NLN: variants seen among roughly 807,000 people sequenced by gnomAD.
The protein encoded by NLN is neurolysin, mitochondrial.
A neutral mutation model predicts 79.9 loss-of-function variants in NLN; 64 were observed. That is an observed-to-expected ratio of 0.80 (90% CI 0.65 to 0.99). NLN has a LOEUF of 0.99. Among genes scored for constraint, NLN ranks in the 50% least tolerant of loss-of-function variants. The pLI, the probability that NLN is intolerant of heterozygous loss-of-function variation, is 0.00. For missense variants in NLN, 835 were observed against 858.7 expected (o/e 0.97, Z 0.34); for synonymous variants, 267 against 296.6 (o/e 0.90, Z 1.02).
intron 1 of NLN, among the ~76,000 whole-genome samples, chr5:65,735,657 C>A (rs1758712883): frequency 6.6e-6 from 1 of 152,136 alleles, no homozygotes; most frequent in Admixed American, 6.6e-5. Context: ...AAATAGAGAT[C>A]TTTAGGAACT....
In NLN at chr5:65,822,997, T is replaced by C; in HGVS notation, c.*82T>C. 1 of 1,116,580 alleles carries C rather than the reference T, an allele frequency of 9.0e-7. No individual in the cohort carries two copies. The highest frequency in any genetic ancestry group is 2.4e-5 in the East Asian group (1 of 41,488). The allele number at this position is 1,116,580 out of a possible 1,614,324, so 69.2% of individuals were successfully genotyped here. On this transcript the variant is annotated 3_prime_UTR_variant, in exon 13 of 13. Transcript: ENST00000380985. ...TTACTGGCCTGGAAACTGAAGGGAG[T>C]TTTGCAAGTGAAAATTTAGATTTCT...
At chr5:65,735,609 A>G (rs1758712339) in intron 1 of NLN, among the ~76,000 whole-genome samples, 1 of 152,198 alleles carries the variant, frequency 6.6e-6, no homozygotes. Context: ...GAGTCCCAGC[A>G]TCAATTTTTG....
chr5:65,792,972 C>A, intron 9 of NLN: 1 of 397,260 alleles, frequency 2.5e-6, no homozygotes, highest in South Asian at 1.9e-5. Context: ...ATAAATTTCT[C>A]AGAAAAACTG....
intron 2 of NLN, among the ~76,000 whole-genome samples, chr5:65,759,722 C>A (rs1340868852): frequency 1.3e-5 from 2 of 152,108 alleles, no homozygotes; most frequent in African/African-American, 4.8e-5. Flanking sequence ...AGAGGGCAGT[C>A]TGCTTTACTT....
chr5:65,800,899 C>T (rs1760272444), intron 9 of NLN, among the ~76,000 whole-genome samples: 1 of 151,802 alleles, frequency 6.6e-6, no homozygotes, highest in Admixed American at 6.6e-5. Context: ...CACAATGTTG[C>T]CCAGGCTGAT....
At chr5:65,774,736 T>A (rs1208485030) in intron 3 of NLN, among the ~76,000 whole-genome samples, 6,586 of 147,800 alleles carry the variant, frequency 0.045, 211 homozygotes, top group Non-Finnish European at 0.07. Flanking sequence ...TATATTTTTT[T>A]TTTTTTTTGA....
At position 65,762,989 on chromosome 5, in the gene NLN, C is replaced by G. The variant is rs149080141; in HGVS notation, c.331C>G (p.His111Asp). 2.5e-6 allele frequency: 4 copies of G among 1,613,814 alleles called. No homozygotes were observed. Among genetic ancestry groups the G allele is most frequent in the Non-Finnish European group, 3.4e-6 (4 of 1,179,904 alleles). Residue 111 changes from histidine to aspartate, a missense_variant, in exon 3 of 13, where the codon CAT (histidine) becomes GAT (aspartate). Transcript: ENST00000380985. ...AAGGACCATGCTAGACTTTCCCCAG[C>G]ATGTATCCTCTGACAAAGAAGTACG... ...VERTMLDFPQ[H>D]VSSDKEVRAA...
At chr5:65,804,649 C>T (rs1003663430) in intron 9 of NLN, among the ~76,000 whole-genome samples, 1 of 152,162 alleles carries the variant, frequency 6.6e-6, no homozygotes, top group Non-Finnish European at 1.5e-5. Flanking sequence ...CTGTCTCAGC[C>T]TCCTAAGTAG....
chr5:65,731,339 T>C (rs1758602309), intron 1 of NLN, among the ~76,000 whole-genome samples: 1 of 152,196 alleles, frequency 6.6e-6, no homozygotes, highest in African/African-American at 2.4e-5. Context: ...TCTTGATGGG[T>C]AGAACAGCAA....
intron 11 of NLN, among the ~76,000 whole-genome samples, chr5:65,811,147 C>G (rs1760536544): frequency 6.6e-6 from 1 of 151,986 alleles, no homozygotes; most frequent in African/African-American, 2.4e-5. Flanking sequence ...TATAGTTGTG[C>G]TTTTATATGT....
intron 1 of NLN, among the ~76,000 whole-genome samples, chr5:65,724,267 T>TC (rs1392976834): frequency 2.0e-5 from 3 of 152,142 alleles, no homozygotes; most frequent in African/African-American, 7.2e-5. Flanking sequence ...CATTACTTCC[T>TC]CCCCCAATCC....
At chr5:65,749,220 G>A (rs1387060775) in intron 1 of NLN, among the ~76,000 whole-genome samples, 1 of 152,090 alleles carries the variant, frequency 6.6e-6, no homozygotes, top group Non-Finnish European at 1.5e-5. Flanking sequence ...ACTAATACAG[G>A]GACTGTAGAG....
At position 65,788,486 on chromosome 5, in the gene NLN, T is replaced by C; in HGVS notation, c.1325+2T>C. On this transcript the variant is annotated splice_donor_variant, in intron 8 of 12. Transcript: ENST00000380985. LOFTEE classifies it high-confidence loss of function. The stretch of plus-strand genomic sequence containing the variant: ...GTTCTATTTGGACCTCTATCCAAGG[T>C]ACTGAGGATCACGTTGTTGGAAGGG... 6.2e-7 allele frequency: 1 copy of C among 1,609,684 alleles called. No individual in the cohort carries two copies. The highest frequency in any genetic ancestry group is 8.5e-7 in the Non-Finnish European group (1 of 1,176,656).
At chr5:65,750,650 A>G (rs1331855477) in intron 1 of NLN, among the ~76,000 whole-genome samples, 8 of 152,220 alleles carry the variant, frequency 5.3e-5, no homozygotes, top group South Asian at 2.1e-4. Flanking sequence ...CAGGAGGTCT[A>G]GTTTACAGTG....
intron 2 of NLN, among the ~76,000 whole-genome samples, chr5:65,761,735 T>G (rs1280190998): frequency 6.6e-6 from 1 of 152,226 alleles, no homozygotes; most frequent in Non-Finnish European, 1.5e-5. Context: ...AAAGCATAAT[T>G]TCATAATTTG....
At chr5:65,808,658 T>C (rs1275318005) in intron 9 of NLN, among the ~76,000 whole-genome samples, 1 of 152,246 alleles carries the variant, frequency 6.6e-6, no homozygotes, top group East Asian at 1.9e-4. Flanking sequence ...TTAAACTCTT[T>C]TTAAACCTCT....
intron 12 of NLN, among the ~76,000 whole-genome samples, chr5:65,816,899 T>G (rs1397015284): frequency 6.6e-6 from 1 of 152,144 alleles, no homozygotes; most frequent in Non-Finnish European, 1.5e-5. Flanking sequence ...CAGTGCCTTC[T>G]ATTGTTAGTC....
chr5:65,800,948 G>A (rs1051976004), intron 9 of NLN, among the ~76,000 whole-genome samples: 8 of 151,946 alleles, frequency 5.3e-5, no homozygotes, highest in African/African-American at 1.9e-4. Context: ...CTGCTTCTAC[G>A]TCTCAAAGTG....
intron 4 of NLN, among the ~76,000 whole-genome samples, chr5:65,777,754 C>T (rs112209650): frequency 1.5e-4 from 23 of 152,160 alleles, no homozygotes; most frequent in African/African-American, 5.5e-4. Context: ...CTCCAGAAAA[C>T]TCCAAAATCT....
Sources: allele counts gnomAD v4.1 joint callset (sites outside exome capture counted in the v4.1 genomes callset), GRCh38; gene constraint gnomAD v4.1.1; transcripts MANE v1.5; gene names NCBI Gene and HGNC (gene_info 2026-07-23, HGNC 2026-07-21).